Variants in TMTC1 observed in about 807,000 individuals in gnomAD.
TMTC1 encodes the protein protein O-mannosyl-transferase TMTC1.
TMTC1 carries 73 observed loss-of-function variants against 104.8 expected under a neutral mutation model. The ratio of observed to expected loss-of-function variants is 0.70; its 90% CI spans 0.58 to 0.85. TMTC1 has a LOEUF of 0.85. Among genes scored for constraint, TMTC1 ranks in the 40% least tolerant of loss-of-function variants. The probability of loss-of-function intolerance (pLI) is 0.00; values close to 1 mark genes in which losing one functional copy is unlikely to be tolerated. For synonymous variants in TMTC1, 434 were observed against 428.7 expected (o/e 1.01, Z -0.15); for missense variants, 1,035 against 1,096.1 (o/e 0.94, Z 0.79).
At chr12:29,697,422 T>C (rs977275926) in intron 5 of TMTC1, among the ~76,000 whole-genome samples, 1 of 152,238 alleles carries the variant, frequency 6.6e-6, no homozygotes, top group Non-Finnish European at 1.5e-5. Flanking sequence ...TGTAAGGCTT[T>C]CTCTGATGCT....
intron 5 of TMTC1, among the ~76,000 whole-genome samples, chr12:29,646,679 C>G (rs1036668956): frequency 6.6e-6 from 1 of 152,250 alleles, no homozygotes; most frequent in African/African-American, 2.4e-5. Flanking sequence ...GAAAACTACG[C>G]TCATTGACCT....
chr12:29,767,598 C>T (rs1050697742), intron 2 of TMTC1, among the ~76,000 whole-genome samples: 10 of 152,182 alleles, frequency 6.6e-5, no homozygotes, highest in Admixed American at 2.0e-4. Context: ...ATAATAACAG[C>T]AGTTATTTAG....
At chr12:29,537,682 G>C (rs1309295486) in intron 10 of TMTC1, among the ~76,000 whole-genome samples, 1 of 152,122 alleles carries the variant, frequency 6.6e-6, no homozygotes, top group African/African-American at 2.4e-5. Context: ...TGCATGCTGC[G>C]ATTTCAGCAG....
At chr12:29,646,164 A>C (rs1939258731) in intron 5 of TMTC1, among the ~76,000 whole-genome samples, 1 of 152,132 alleles carries the variant, frequency 6.6e-6, no homozygotes, top group Non-Finnish European at 1.5e-5. Context: ...TGAGACCCTG[A>C]CTCACTCCTT....
intron 2 of TMTC1, among the ~76,000 whole-genome samples, chr12:29,764,596 G>T (rs778189957): frequency 4.6e-5 from 7 of 152,090 alleles, no homozygotes; most frequent in Non-Finnish European, 7.4e-5. Context: ...TTAGAAACTT[G>T]AATTGAAATC....
chr12:29,557,138 A>T, intron 9 of TMTC1, 138 bp from the exon 10 acceptor site: 2 of 966,756 alleles, frequency 2.1e-6, no homozygotes, highest in South Asian at 3.4e-5. Flanking sequence ...GTTTGTGTCC[A>T]ATCTTACTGG....
At chr12:29,709,897 G>A (rs1941851937) in intron 5 of TMTC1, among the ~76,000 whole-genome samples, 1 of 152,134 alleles carries the variant, frequency 6.6e-6, no homozygotes, top group South Asian at 2.1e-4. Flanking sequence ...GATGAAAACA[G>A]GGAAAAGCCT....
intron 6 of TMTC1, among the ~76,000 whole-genome samples, chr12:29,613,649 C>T (rs945423649): frequency 6.6e-6 from 1 of 151,670 alleles, no homozygotes; most frequent in Non-Finnish European, 1.5e-5. Context: ...GCAATAAAGC[C>T]AAGAATGAAT....
chr12:29,684,932 G>A (rs1207422570), intron 5 of TMTC1, among the ~76,000 whole-genome samples: 1 of 152,078 alleles, frequency 6.6e-6, no homozygotes, highest in African/African-American at 2.4e-5. Context: ...TTCAGACGTG[G>A]TATGTTGTTT....
chr12:29,608,805 A>G (rs1946769718), intron 6 of TMTC1, among the ~76,000 whole-genome samples: 2 of 152,156 alleles, frequency 1.3e-5, no homozygotes, highest in African/African-American at 2.4e-5. Flanking sequence ...AGCTAAGGGA[A>G]GAGCAGGGCT....
chr12:29,556,764 G>A (rs2136259595), intron 10 of TMTC1, 93 bp downstream of exon 10: 1 of 1,511,738 alleles, frequency 6.6e-7, no homozygotes, highest in East Asian at 2.3e-5. Context: ...GCTCCAGAGA[G>A]AGGCAAGTGC....
chr12:29,669,535 C>A (rs1433614347), intron 5 of TMTC1, among the ~76,000 whole-genome samples: 1 of 152,104 alleles, frequency 6.6e-6, no homozygotes, highest in Non-Finnish European at 1.5e-5. Context: ...AAGTAGACAG[C>A]TATTTTGGAA....
At chr12:29,692,021 T>TCATGAGCA (rs1287937294) in intron 5 of TMTC1, among the ~76,000 whole-genome samples, 1 of 145,216 alleles carries the variant, frequency 6.9e-6, no homozygotes, top group African/African-American at 2.5e-5. Context: ...CACTCTCAGC[T>TCATGAGCA]CATGAGCACA....
chr12:29,674,923 A>G (rs187263287), intron 5 of TMTC1, among the ~76,000 whole-genome samples: 4 of 152,286 alleles, frequency 2.6e-5, no homozygotes, highest in Admixed American at 2.6e-4. Flanking sequence ...AGACAGCTTC[A>G]TTGTCCTAAT....
chr12:29,735,582 T>C (rs907985719), intron 5 of TMTC1, among the ~76,000 whole-genome samples: 2 of 152,248 alleles, frequency 1.3e-5, no homozygotes, highest in East Asian at 3.8e-4. Flanking sequence ...TACCTCATTA[T>C]GTAATAGGTG....
intron 5 of TMTC1, among the ~76,000 whole-genome samples, chr12:29,650,143 G>T (rs1307170696): frequency 1.3e-5 from 2 of 150,864 alleles, no homozygotes; most frequent in African/African-American, 2.4e-5. Flanking sequence ...AAGTGCAGTG[G>T]CACGATCTCA....
chr12:29,656,675 T>C (rs1045118647), intron 5 of TMTC1, among the ~76,000 whole-genome samples: 1 of 152,192 alleles, frequency 6.6e-6, no homozygotes, highest in Non-Finnish European at 1.5e-5. Context: ...TCACTTTTTA[T>C]TAATTGAACT....
At chr12:29,766,512 G>A (rs543385505) in intron 2 of TMTC1, among the ~76,000 whole-genome samples, 1 of 152,310 alleles carries the variant, frequency 6.6e-6, no homozygotes, top group Admixed American at 6.5e-5. Context: ...TTGGGTTTGT[G>A]ATGCCTTAAT....
intron 5 of TMTC1, among the ~76,000 whole-genome samples, chr12:29,652,292 A>C (rs79002694): frequency 6.6e-6 from 1 of 152,190 alleles, no homozygotes; most frequent in Non-Finnish European, 1.5e-5. Flanking sequence ...CGTGGGAAAG[A>C]ATTTAAGCCA....
Sources: allele counts gnomAD v4.1 joint callset (sites outside exome capture counted in the v4.1 genomes callset), GRCh38; gene constraint gnomAD v4.1.1; transcripts MANE v1.5; gene names NCBI Gene and HGNC (gene_info 2026-07-23, HGNC 2026-07-21).